Variants in FARP1 observed in about 807,000 individuals in gnomAD.
FARP1 encodes the protein FERM, ARHGEF and pleckstrin domain-containing protein 1.
Under a neutral mutation model 128.8 loss-of-function variants are expected in FARP1, and 52 were observed. The ratio of observed to expected loss-of-function variants is 0.40; its 90% CI spans 0.32 to 0.51. The LOEUF (loss-of-function observed/expected upper bound fraction) is 0.51. Ranked by LOEUF, FARP1 falls within the 20% of genes least tolerant of loss-of-function variation. FARP1 has a pLI of 0.45. For missense variants in FARP1, 1,333 were observed against 1,367.9 expected (o/e 0.97, Z 0.40); for synonymous variants, 580 against 551.8 (o/e 1.05, Z -0.72).
At chr13:98,439,038 CAG>C in intron 20 of FARP1, 67 bp from the exon 21 acceptor site, 1 of 1,428,020 alleles carries the variant, frequency 7.0e-7, no homozygotes, top group Non-Finnish European at 9.8e-7. Flanking sequence ...CAGTTGAGGA[CAG>C]GGAATGCTGG....
At chr13:98,348,462 C>T (rs529624937) in intron 3 of FARP1, among the ~76,000 whole-genome samples, 136 of 152,344 alleles carry the variant, frequency 8.9e-4, no homozygotes, top group Admixed American at 1.7e-3. Context: ...GGGCGAGTTC[C>T]GGGAGCTGGC....
intron 2 of FARP1, among the ~76,000 whole-genome samples, chr13:98,216,050 A>G (rs1170287190): frequency 6.6e-6 from 1 of 152,136 alleles, no homozygotes; most frequent in Non-Finnish European, 1.5e-5. Flanking sequence ...TGGCCTCCCA[A>G]AGTGCTGGGA....
intron 3 of FARP1, among the ~76,000 whole-genome samples, chr13:98,362,134 T>C (rs648655): frequency 0.034 from 5,141 of 152,228 alleles, 293 homozygotes; most frequent in African/African-American, 0.12. Context: ...CATGGTGGCA[T>C]GTGCCTGTAG....
At chr13:98,340,889 T>G (rs1341471754) in intron 2 of FARP1, 1 of 152,174 alleles carries the variant, frequency 6.6e-6, no homozygotes, top group Non-Finnish European at 1.5e-5. Context: ...ATAAGATTGG[T>G]GATCAGTGTT....
At chr13:98,318,826 G>A (rs1473124032) in intron 2 of FARP1, among the ~76,000 whole-genome samples, 15 of 152,130 alleles carry the variant, frequency 9.9e-5, no homozygotes, top group Admixed American at 9.8e-4. Flanking sequence ...ACTTGTCTGT[G>A]TGCCTGGTGG....
intron 1 of FARP1, among the ~76,000 whole-genome samples, chr13:98,148,175 T>TC (rs1875714727): frequency 6.6e-6 from 1 of 152,106 alleles, no homozygotes; most frequent in African/African-American, 2.4e-5. Context: ...GGTCAGGAGT[T>TC]CAAGACCAGC....
At chr13:98,353,270 G>A (rs1888510150) in intron 3 of FARP1, among the ~76,000 whole-genome samples, 1 of 152,166 alleles carries the variant, frequency 6.6e-6, no homozygotes, top group South Asian at 2.1e-4. Flanking sequence ...CGGGAGTTCA[G>A]TTTGGAAGGA....
At chr13:98,155,513 A>T (rs1167944557) in intron 1 of FARP1, among the ~76,000 whole-genome samples, 1 of 151,950 alleles carries the variant, frequency 6.6e-6, no homozygotes, top group African/African-American at 2.4e-5. Flanking sequence ...TGGTTTTTTT[A>T]AGTTTTAATT....
intron 18 of FARP1, chr13:98,433,191 C>CCGTA (rs1892115266): frequency 6.6e-6 from 1 of 152,166 alleles, no homozygotes; most frequent in African/African-American, 2.4e-5. Context: ...CCCCGCAAAG[C>CCGTA]CGTAACCTAA....
chr13:98,312,577 A>G (rs1168847039), intron 2 of FARP1, among the ~76,000 whole-genome samples: 1 of 152,204 alleles, frequency 6.6e-6, no homozygotes, highest in Non-Finnish European at 1.5e-5. Context: ...CAAGAAATTC[A>G]TAATGCTTCC....
intron 2 of FARP1, among the ~76,000 whole-genome samples, chr13:98,239,827 G>T (rs1362733452): frequency 6.6e-6 from 1 of 152,138 alleles, no homozygotes; most frequent in Non-Finnish European, 1.5e-5. Context: ...GCCCCACCTG[G>T]ACTTGCTGGT....
chr13:98,410,839 C>G lies in FARP1; in HGVS notation c.1692+16C>G. ...TATCACTTCGGTATGTGCAGTATTTCCCCAAAAGCATTCGATTACATGATT... is the reference window on the plus strand; with the variant it reads ...TATCACTTCGGTATGTGCAGTATTTGCCCAAAAGCATTCGATTACATGATT... On this transcript the variant is annotated intron_variant, in intron 15 of 26. Coordinates refer to ENST00000319562, the MANE Select transcript of FARP1 (RefSeq NM_005766.4). 7.4e-7 allele frequency: 1 copy of G among 1,355,408 alleles called. No homozygotes were observed. Among genetic ancestry groups the G allele is most frequent in the Non-Finnish European group, 1.0e-6 (1 of 952,890 alleles). The allele number at this position is 1,355,408 out of a possible 1,614,324, so 84.0% of individuals were successfully genotyped here. A position where few individuals can be genotyped will look rare whatever the true frequency, so the allele number is the denominator to read the frequency against.
intron 1 of FARP1, among the ~76,000 whole-genome samples, chr13:98,145,444 A>G (rs1163800553): frequency 6.6e-6 from 1 of 152,242 alleles, no homozygotes; most frequent in Non-Finnish European, 1.5e-5. Flanking sequence ...CTCTGTAGCC[A>G]GACTTATCAA....
At chr13:98,254,350 G>A (rs1465385779) in intron 2 of FARP1, among the ~76,000 whole-genome samples, 2 of 152,196 alleles carry the variant, frequency 1.3e-5, no homozygotes, top group Non-Finnish European at 2.9e-5. Context: ...GTGAGTGCCA[G>A]TTATATCATC....
chr13:98,299,085 T>C (rs895851803), intron 2 of FARP1, among the ~76,000 whole-genome samples: 5 of 152,186 alleles, frequency 3.3e-5, no homozygotes, highest in African/African-American at 9.7e-5. Context: ...TGTGCACAAC[T>C]TCAGAAAATA....
intron 2 of FARP1, among the ~76,000 whole-genome samples, chr13:98,299,877 T>C (rs557821147): frequency 2.6e-5 from 4 of 152,330 alleles, no homozygotes; most frequent in Admixed American, 2.0e-4. Context: ...AATAGTTTTT[T>C]GTTTCTATGT....
In FARP1 at chr13:98,431,112, C is replaced by T. The variant is rs149698535; in HGVS notation, c.1975C>T (p.Arg659Trp). Residue 659 changes from arginine (R) to tryptophan (W), a missense_variant, in exon 18 of 27, where the codon CGG becomes TGG. Around this residue, in one of 2 missense-constraint regions of FARP1, gnomAD observed 1,009 missense variants for 969.8 expected, o/e 1.04. Coordinates refer to ENST00000319562, the MANE Select transcript of FARP1 (RefSeq NM_005766.4). ...CCTGGAGAATGGAATCAAGAGCTCC[C>T]GGCGGCTGGAGAACTTCTGCAGAGA... ...EALENGIKSSRRLENFCRDFE... is the reference protein window; with the variant it reads ...EALENGIKSSWRLENFCRDFE... 156 of 1,614,138 alleles carry T rather than the reference C, an allele frequency of 9.7e-5. No homozygotes were observed. The African/African-American group carries it at 1.7e-3, about 17-fold the overall frequency.
intron 26 of FARP1, 136 bp from the exon 27 acceptor site, chr13:98,448,100 C>T (rs549825718): frequency 1.4e-6 from 1 of 724,794 alleles, no homozygotes; most frequent in Admixed American, 2.1e-5. Flanking sequence ...TGGCTGTTCC[C>T]TTGCTCTTCT....
intron 16 of FARP1, among the ~76,000 whole-genome samples, chr13:98,423,994 C>T (rs1891688140): frequency 6.6e-6 from 1 of 152,208 alleles, no homozygotes; most frequent in Non-Finnish European, 1.5e-5. Context: ...CACACCCTAC[C>T]CTATTCTATG....
Sources: allele counts gnomAD v4.1 joint callset (sites outside exome capture counted in the v4.1 genomes callset), GRCh38; gene constraint gnomAD v4.1.1; regional missense constraint gnomAD v4.1.1; transcripts MANE v1.5; gene names NCBI Gene and HGNC (gene_info 2026-07-23, HGNC 2026-07-21).